The following CHD9 variants were observed in gnomAD, a reference collection of about 807,000 sequenced individuals.
CHD9 encodes the protein ATP-dependent chromatin remodeler CHD9.
A neutral mutation model predicts 316.1 loss-of-function variants in CHD9; 77 were observed. That is an observed-to-expected ratio of 0.24 (90% CI 0.20 to 0.29). The LOEUF is 0.29. Ranked by LOEUF, CHD9 falls within the 10% of genes least tolerant of loss-of-function variation. The pLI is 1.00. For synonymous variants in CHD9, 1,129 were observed against 1,158.3 expected (o/e 0.97, Z 0.51); for missense variants, 2,763 against 3,438.1 (o/e 0.80, Z 4.91).
Position 53,314,888 on chromosome 16 carries a change from A to G in CHD9, c.7428A>G (p.Gln2476=), listed in dbSNP as rs760408367. The change falls in exon 36 of 39, where the codon CAA becomes CAG. Residue 2476 remains glutamine, a synonymous_variant. Coordinates refer to ENST00000447540, the MANE Select transcript of CHD9 (RefSeq NM_001308319.2). The part of the protein sequence containing the change: ...TGINPALSYT[Q]PQGIPDTESP... ...TAAATCCAGCACTATCCTATACTCA[A>G]CCTCAAGGAATTCCTGATACAGAAA... 3.1e-6 allele frequency: 5 copies of G among 1,613,752 alleles called. No homozygotes were observed. The South Asian group carries it at 5.5e-5, about 18-fold the overall frequency.
chr16:53,305,382 T>C (rs1325235265), intron 31 of CHD9, among the ~76,000 whole-genome samples: 2 of 152,236 alleles, frequency 1.3e-5, no homozygotes, highest in African/African-American at 4.8e-5. Flanking sequence ...GTTTTATATA[T>C]ACAAATGTTC....
chr16:53,090,317 C>T (rs1438276070), intron 1 of CHD9, among the ~76,000 whole-genome samples: 1 of 152,186 alleles, frequency 6.6e-6, no homozygotes, highest in Non-Finnish European at 1.5e-5. Context: ...TGGGGCTGAG[C>T]TGATCATTCC....
intron 1 of CHD9, among the ~76,000 whole-genome samples, chr16:53,082,943 C>T (rs903034411): frequency 1.3e-5 from 2 of 152,204 alleles, no homozygotes; most frequent in African/African-American, 4.8e-5. Context: ...TGTGGTTTCC[C>T]ATCAGTCGTC....
chr16:53,248,756 A>G (rs1338292262), intron 16 of CHD9, among the ~76,000 whole-genome samples: 3 of 152,124 alleles, frequency 2.0e-5, no homozygotes, highest in East Asian at 1.9e-4. Context: ...TCCTGGGCTC[A>G]AGCAGTTCTT....
chr16:53,171,901 C>G (rs918088393), intron 2 of CHD9, among the ~76,000 whole-genome samples: 55 of 132,336 alleles, frequency 4.2e-4, no homozygotes, highest in African/African-American at 1.3e-3. Context: ...CACACACACA[C>G]AGCAGGAAAG....
intron 2 of CHD9, among the ~76,000 whole-genome samples, chr16:53,196,743 A>C (rs1386540260): frequency 6.6e-6 from 1 of 152,204 alleles, no homozygotes; most frequent in Non-Finnish European, 1.5e-5. Context: ...TTTAAAGACA[A>C]TGATCAGATC....
intron 1 of CHD9, among the ~76,000 whole-genome samples, chr16:53,075,993 T>C (rs2152524392): frequency 6.6e-6 from 1 of 152,316 alleles, no homozygotes; most frequent in South Asian, 2.1e-4. Flanking sequence ...AGCTTTGATT[T>C]CCATTTCCCT....
chr16:53,144,193 G>A (rs1394246264), intron 1 of CHD9, among the ~76,000 whole-genome samples: 2 of 152,178 alleles, frequency 1.3e-5, no homozygotes, highest in African/African-American at 4.8e-5. Context: ...GGTTAGGGTA[G>A]TGGTGGTGTT....
At chr16:53,221,741 ATACAG>A (rs1417451283) in intron 3 of CHD9, among the ~76,000 whole-genome samples, 9 of 152,220 alleles carry the variant, frequency 5.9e-5, no homozygotes, top group African/African-American at 2.2e-4. Flanking sequence ...GCTTAGGAAC[ATACAG>A]TACAGATAAG....
At position 53,304,093 on chromosome 16, in the gene CHD9, C is replaced by G; in HGVS notation, c.6087C>G (p.Thr2029=). ...YQVALSASPL[T]SLPRLLDAKG... ...TAGCACTTTCTGCTTCTCCTCTTAC[C>G]TCTCTACCTAGGCTCCTAGATGCTA... Residue 2029 remains threonine, a synonymous_variant, in exon 31 of 39, where the codon ACC becomes ACG. Transcript: ENST00000447540. The G allele has an allele frequency of 6.2e-7, 1 of 1,613,966 alleles. No homozygotes were observed. Among genetic ancestry groups the G allele is most frequent in the Non-Finnish European group, 8.5e-7 (1 of 1,179,880 alleles).
intron 1 of CHD9, among the ~76,000 whole-genome samples, chr16:53,070,516 CCTTCCTTCCTTCCTTCCT>C (rs149028259): frequency 0.59 from 77,736 of 132,584 alleles, 22,337 homozygotes; most frequent in Non-Finnish European, 0.62. Flanking sequence ...TTCCTTCCTT[CCTTCCTTCCTTCCTTCCT>C]CTCTCTCTCT....
chr16:53,140,531 A>G (rs1266586050), intron 1 of CHD9, among the ~76,000 whole-genome samples: 1 of 152,134 alleles, frequency 6.6e-6, no homozygotes, highest in Non-Finnish European at 1.5e-5. Context: ...TTTGTCATCT[A>G]TTTTCAGTAT....
intron 2 of CHD9, among the ~76,000 whole-genome samples, chr16:53,175,046 C>G (rs1046784317): frequency 6.6e-6 from 1 of 152,204 alleles, no homozygotes; most frequent in African/African-American, 2.4e-5. Flanking sequence ...TTTTACTCCC[C>G]TACTGACACA....
intron 1 of CHD9, among the ~76,000 whole-genome samples, chr16:53,140,006 G>T (rs1481267015): frequency 6.6e-6 from 1 of 151,874 alleles, no homozygotes; most frequent in Non-Finnish European, 1.5e-5. Context: ...GGCTGAGGTG[G>T]CAGGATTGCT....
chr16:53,083,647 C>T lies in CHD9; in HGVS notation c.-165+28570C>T, dbSNP rs143072397. ...TCTTTCAGCAAATAGCCCCCAACTC[C>T]GTGCCTCAGTTTCCCTCTTTTCTCT... On this transcript the variant is annotated intron_variant, in intron 1 of 38. Coordinates refer to ENST00000447540, the MANE Select transcript of CHD9 (RefSeq NM_001308319.2). 1.3e-3 allele frequency among the ~76,000 whole-genome samples: 200 copies of T among 152,214 alleles called. 3 individuals carry two copies. Among genetic ancestry groups the T allele is most frequent in the African/African-American group, 4.3e-3 (180 of 41,510 alleles).
chr16:53,108,893 AAAAAT>A (rs146326973), intron 1 of CHD9, among the ~76,000 whole-genome samples: 60 of 151,890 alleles, frequency 4.0e-4, no homozygotes, highest in East Asian at 9.7e-4. Flanking sequence ...AAACTGTTTC[AAAAAT>A]AAAATAAAAT....
intron 2 of CHD9, among the ~76,000 whole-genome samples, chr16:53,197,928 G>T (rs1167571516): frequency 6.6e-6 from 1 of 152,094 alleles, no homozygotes; most frequent in Non-Finnish European, 1.5e-5. Context: ...AAAGTACTGG[G>T]ATTACAGACA....
intron 31 of CHD9, among the ~76,000 whole-genome samples, chr16:53,304,998 A>G (rs1271468422): frequency 6.6e-6 from 1 of 150,532 alleles, no homozygotes; most frequent in Non-Finnish European, 1.5e-5. Flanking sequence ...CTGGCCTAAT[A>G]TAACTTTTCA....
At position 53,134,119 on chromosome 16, in the gene CHD9, C is replaced by T. The variant is rs534618376; in HGVS notation, c.-164-21807C>T. 3.1e-4 allele frequency among the ~76,000 whole-genome samples: 47 copies of T among 152,212 alleles called. No homozygotes were observed. The South Asian group carries it at 9.7e-3, about 32-fold the overall frequency. On this transcript the variant is annotated intron_variant, in intron 1 of 38. Coordinates refer to ENST00000447540, the MANE Select transcript of CHD9 (RefSeq NM_001308319.2). ...CTATAAAGAAAAACTATGAATTAAT[C>T]TACTGGGGAAATTTCATCGGGTAAT...
Sources: allele counts gnomAD v4.1 joint callset (sites outside exome capture counted in the v4.1 genomes callset), GRCh38; gene constraint gnomAD v4.1.1; transcripts MANE v1.5; gene names NCBI Gene and HGNC (gene_info 2026-07-23, HGNC 2026-07-21).